BFSP2: variants seen among roughly 807,000 people sequenced by gnomAD.
The protein encoded by BFSP2 is phakinin.
BFSP2 carries 38 observed loss-of-function variants against 44.9 expected under a neutral mutation model. That is an observed-to-expected ratio of 0.85 (90% confidence interval 0.65 to 1.11). The LOEUF (loss-of-function observed/expected upper bound fraction) is 1.11, where lower values mean the gene tolerates loss of function less well. Ranked by LOEUF, BFSP2 falls within the 50% of genes least tolerant of loss-of-function variation. BFSP2 has a pLI of 0.00. For synonymous variants in BFSP2, 197 were observed against 209.9 expected, an observed-to-expected ratio of 0.94 and a Z score of 0.53; for missense variants, 525 against 533.0, an observed-to-expected ratio of 0.99 and a Z score of 0.15.
rs370875195 is a variant in BFSP2 at position 133,460,360 on chromosome 3, C to T, written c.892-6468C>T. Reference sequence around the variant, plus strand: ...AATTACACATTCTGACTCCAGAATCCACACTCTTAACTGTTAGTTTGAACT... The same window carrying T: ...AATTACACATTCTGACTCCAGAATCTACACTCTTAACTGTTAGTTTGAACT... On this transcript the variant is annotated intron_variant, in intron 4 of 6. Transcript: ENST00000302334. 8.9e-4 allele frequency among the ~76,000 whole-genome samples: 135 copies of T among 152,264 alleles called. 3 individuals carry two copies. In the South Asian group the frequency reaches 0.027, roughly 31 times the overall value.
At chr3:133,410,197 G>A (rs536135264) in intron 1 of BFSP2, 8 of 201,740 alleles carry the variant, frequency 4.0e-5, no homozygotes, top group South Asian at 1.6e-4. Flanking sequence ...CCAAGCCTAC[G>A]GTACCACCTA....
At chr3:133,418,570 C>T (rs2073565870) in intron 1 of BFSP2, among the ~76,000 whole-genome samples, 1 of 152,096 alleles carries the variant, frequency 6.6e-6, no homozygotes, top group African/African-American at 2.4e-5. Flanking sequence ...CTTGGGTAGG[C>T]CCCTGAATTC....
chr3:133,430,939 C>G (rs529217335), intron 1 of BFSP2, among the ~76,000 whole-genome samples: 76 of 152,292 alleles, frequency 5.0e-4, no homozygotes, highest in African/African-American at 1.5e-3. Context: ...AGCCCTCCCC[C>G]ACCTGCCCAG....
At chr3:133,415,715 C>T (rs1203319188) in intron 1 of BFSP2, among the ~76,000 whole-genome samples, 74 of 140,938 alleles carry the variant, frequency 5.3e-4, no homozygotes, top group South Asian at 1.2e-3. Flanking sequence ...TGTCCTCTCC[C>T]CTCTACTCAT....
rs758511594 is a variant in BFSP2 at position 133,474,923 on chromosome 3, G to A, written c.1245-46G>A. 92 of 1,612,732 alleles carry A rather than the reference G, an allele frequency of 5.7e-5. No homozygotes were observed. The Middle Eastern group carries it at 9.9e-4, about 17-fold the overall frequency. On this transcript the variant is annotated intron_variant, in intron 6 of 6. Coordinates refer to ENST00000302334, the MANE Select transcript of BFSP2 (RefSeq NM_003571.4). ...GTAATCCTATTGTGATAGAATGACC[G>A]ATTTTCCTCACCCATTGCTTCTGAC...
intron 1 of BFSP2, among the ~76,000 whole-genome samples, chr3:133,434,761 A>C (rs564087217): frequency 6.4e-4 from 98 of 152,148 alleles, no homozygotes; most frequent in African/African-American, 2.2e-3. Context: ...TCAAAAAGCT[A>C]CCCCACTGAG....
At chr3:133,426,355 G>A (rs1403838046) in intron 1 of BFSP2, among the ~76,000 whole-genome samples, 1 of 152,218 alleles carries the variant, frequency 6.6e-6, no homozygotes, top group Non-Finnish European at 1.5e-5. Context: ...GGCATTGTAA[G>A]AGGAGTGCAG....
chr3:133,437,638 AAGAG>A (rs869185782), intron 1 of BFSP2, among the ~76,000 whole-genome samples: 1 of 150,644 alleles, frequency 6.6e-6, no homozygotes. Context: ...AAAAAGAAAG[AAGAG>A]AGAGAGAAAG....
chr3:133,450,069 AAAGGAAGG>A (rs202059180), intron 3 of BFSP2, among the ~76,000 whole-genome samples: 1 of 147,728 alleles, frequency 6.8e-6, no homozygotes. Context: ...AGAGAGAAGG[AAAGGAAGG>A]AAGGAAGGAA....
intron 1 of BFSP2, among the ~76,000 whole-genome samples, chr3:133,444,744 T>C (rs2073881000): frequency 6.6e-6 from 1 of 151,892 alleles, no homozygotes; most frequent in Non-Finnish European, 1.5e-5. Flanking sequence ...CTTAAACTAG[T>C]CCACATTTTT....
chr3:133,424,023 T>C (rs536808663), intron 1 of BFSP2, among the ~76,000 whole-genome samples: 1 of 151,006 alleles, frequency 6.6e-6, no homozygotes, highest in African/African-American at 2.5e-5. Context: ...AGCTAGTCTG[T>C]TTCTATTCTC....
intron 4 of BFSP2, among the ~76,000 whole-genome samples, chr3:133,459,560 G>C (rs2074043280): frequency 6.6e-6 from 1 of 152,176 alleles, no homozygotes. Flanking sequence ...GGCAGTTCTT[G>C]TGTAAACTCA....
At chr3:133,416,902 G>A (rs1250622405) in intron 1 of BFSP2, among the ~76,000 whole-genome samples, 1 of 95,502 alleles carries the variant, frequency 1.0e-5, no homozygotes, top group Non-Finnish European at 2.0e-5. Context: ...ACTCATCCCT[G>A]CCCTCTCCCC....
At chr3:133,423,686 C>T (rs992908095) in intron 1 of BFSP2, among the ~76,000 whole-genome samples, 1 of 152,102 alleles carries the variant, frequency 6.6e-6, no homozygotes, top group African/African-American at 2.4e-5. Context: ...TCAGATTTGC[C>T]AGAGCCCCTT....
chr3:133,416,128 C>G (rs2073525413), intron 1 of BFSP2, among the ~76,000 whole-genome samples: 1 of 148,778 alleles, frequency 6.7e-6, no homozygotes, highest in African/African-American at 2.5e-5. Context: ...TTCTCTCACT[C>G]TACTCACCCC....
chr3:133,448,375 C>T (rs1170748583), intron 2 of BFSP2, 114 bp from the exon 3 acceptor site: 5 of 1,300,282 alleles, frequency 3.8e-6, no homozygotes, highest in African/African-American at 1.4e-5. Flanking sequence ...GAAACAGTGA[C>T]TTTTACCATT....
At chr3:133,435,995 T>C (rs1169071158) in intron 1 of BFSP2, among the ~76,000 whole-genome samples, 1 of 152,216 alleles carries the variant, frequency 6.6e-6, no homozygotes, top group East Asian at 1.9e-4. Flanking sequence ...TACTTCTTAG[T>C]GCCTCTTATA....
chr3:133,463,992 G>T (rs116678661), intron 4 of BFSP2, among the ~76,000 whole-genome samples: 1 of 152,066 alleles, frequency 6.6e-6, no homozygotes, highest in East Asian at 1.9e-4. Context: ...ATCAGCTCCC[G>T]TGAGCTGTTA....
Position 133,475,018 on chromosome 3 carries a change from A to G in BFSP2, c.*46A>G, listed in dbSNP as rs749884380. On this transcript the variant is annotated 3_prime_UTR_variant, in exon 7 of 7. Transcript: ENST00000302334. ...CATGAAGAAAACACCCTTCCTCAAC[A>G]GCTGACCCAAGAAGTTGCTTGAGGA... 6.2e-7 allele frequency: 1 copy of G among 1,611,406 alleles called. No homozygotes were observed.
Sources: gnomAD v4.1 joint callset for allele counts (sites outside exome capture counted in the v4.1 genomes callset) on GRCh38, gnomAD v4.1.1 for gene constraint, MANE v1.5 for transcripts, NCBI Gene and HGNC (gene_info 2026-07-23, HGNC 2026-07-21) for gene names.